Variants in TDRP observed in about 807,000 individuals in gnomAD.
TDRP encodes testis development-related protein.
A neutral mutation model predicts 10.5 loss-of-function variants in TDRP; 12 were observed. That is an observed-to-expected ratio of 1.15 (90% confidence interval 0.73 to 1.86). The LOEUF is 1.86. Ranked by LOEUF, TDRP falls within the 40% of genes most tolerant of loss-of-function variation. The pLI is 0.00. For synonymous variants in TDRP, 139 were observed against 95.4 expected (o/e 1.46, Z -2.67); for missense variants, 353 against 229.2 (o/e 1.54, Z -3.49).
At chr8:529,303 T>C (rs1802119905) in intron 1 of TDRP, among the ~76,000 whole-genome samples, 1 of 152,178 alleles carries the variant, frequency 6.6e-6, no homozygotes, top group African/African-American at 2.4e-5. Context: ...AAATTAAAAA[T>C]TAAAAAACCA....
intron 1 of TDRP, among the ~76,000 whole-genome samples, chr8:538,287 C>A (rs909034913): frequency 6.6e-6 from 1 of 152,202 alleles, no homozygotes; most frequent in African/African-American, 2.4e-5. Context: ...GGAACTCAAT[C>A]AGACATCAAG....
intron 1 of TDRP, among the ~76,000 whole-genome samples, chr8:495,896 G>C (rs931206025): frequency 6.6e-6 from 1 of 152,204 alleles, no homozygotes; most frequent in Admixed American, 6.5e-5. Context: ...CAGGGACTAA[G>C]GGGTCCCACT....
intron 1 of TDRP, among the ~76,000 whole-genome samples, chr8:542,027 G>A (rs1802508233): frequency 6.6e-6 from 1 of 152,148 alleles, no homozygotes; most frequent in Admixed American, 6.5e-5. Flanking sequence ...ATGCCCTCCA[G>A]AGGGTGAAGG....
Position 492,433 on chromosome 8 carries a change from C to T in TDRP, c.524G>A (p.Gly175Asp), listed in dbSNP as rs1271295352. ...CTCCTCCGGGCTATCTGTCAGGTGG[C>T]CTTTACTCTGCCGTCGGATGCTCAC... Reference protein sequence around the residue: ...RLVSIRRQSKGHLTDSPEEAE With the variant: ...RLVSIRRQSKDHLTDSPEEAE The change falls in exon 3 of 3, where the codon GGC (glycine) becomes GAC (aspartate). Residue 175 changes from glycine (G) to aspartate (D), a missense_variant. By Grantham distance (94) the Gly-to-Asp change is moderately conservative. Transcript: ENST00000324079. 1 of 1,582,118 alleles carries T rather than the reference C, an allele frequency of 6.3e-7. No individual in the cohort carries two copies. Among genetic ancestry groups the T allele is most frequent in the Non-Finnish European group, 8.6e-7 (1 of 1,160,442 alleles).
intron 1 of TDRP, among the ~76,000 whole-genome samples, chr8:534,228 T>C (rs545169098): frequency 6.6e-6 from 1 of 152,326 alleles, no homozygotes; most frequent in African/African-American, 2.4e-5. Context: ...TCTAAGATCA[T>C]CGAATATAAA....
At chr8:524,157 G>C (rs1801976952) in intron 1 of TDRP, among the ~76,000 whole-genome samples, 1 of 152,184 alleles carries the variant, frequency 6.6e-6, no homozygotes, top group African/African-American at 2.4e-5. Context: ...TTTCTGCCTG[G>C]TAATCCTGGG....
chr8:540,558 C>A (rs539791992), intron 1 of TDRP, among the ~76,000 whole-genome samples: 3 of 152,054 alleles, frequency 2.0e-5, no homozygotes, highest in Admixed American at 6.6e-5. Flanking sequence ...TGAAAACTTG[C>A]GTCTTTCTGT....
chr8:519,734 G>A (rs1241551296), intron 1 of TDRP, among the ~76,000 whole-genome samples: 1 of 152,156 alleles, frequency 6.6e-6, no homozygotes, highest in Non-Finnish European at 1.5e-5. Flanking sequence ...TCAATTTGTG[G>A]AGGGAACGTA....
intron 1 of TDRP, among the ~76,000 whole-genome samples, chr8:532,460 T>C (rs1802230035): frequency 6.6e-6 from 1 of 152,248 alleles, no homozygotes; most frequent in African/African-American, 2.4e-5. Context: ...TTCTATACTC[T>C]GCTAGGGTGA....
intron 1 of TDRP, among the ~76,000 whole-genome samples, chr8:504,864 G>A (rs35680705): frequency 6.6e-6 from 1 of 151,998 alleles, no homozygotes; most frequent in African/African-American, 2.4e-5. Context: ...TTCATTCTAA[G>A]CCCATGAGAG....
chr8:497,912 G>A (rs1438977546), intron 1 of TDRP, among the ~76,000 whole-genome samples: 1 of 152,228 alleles, frequency 6.6e-6, no homozygotes, highest in African/African-American at 2.4e-5. Context: ...AGGGTGCAAA[G>A]CCCAAGCCTT....
rs79210064 is a variant in TDRP at position 519,475 on chromosome 8, A to G, written c.109-24878T>C. ...TCTACCATCTTAACTACCTTCAAGT[A>G]TAGAGTTCAATTGCGTTAACTACAT... On this transcript the variant is annotated intron_variant, in intron 1 of 2. Transcript: ENST00000324079. Among the ~76,000 whole-genome samples, 8 of 152,276 alleles carry G rather than the reference A, an allele frequency of 5.3e-5. No homozygotes were observed. The South Asian group carries it at 8.3e-4, about 16-fold the overall frequency.
chr8:520,717 T>G (rs1229947139), intron 1 of TDRP, among the ~76,000 whole-genome samples: 1 of 152,234 alleles, frequency 6.6e-6, no homozygotes. Flanking sequence ...TCTTTTCATA[T>G]GCTTATAGGT....
At chr8:494,247 C>T (rs1801067727) in intron 2 of TDRP, among the ~76,000 whole-genome samples, 1 of 152,088 alleles carries the variant, frequency 6.6e-6, no homozygotes, top group African/African-American at 2.4e-5. Context: ...AGGCATGAGC[C>T]ACCATGCCCA....
At chr8:528,793 A>G (rs1325347165) in intron 1 of TDRP, among the ~76,000 whole-genome samples, 2 of 152,098 alleles carry the variant, frequency 1.3e-5, no homozygotes, top group African/African-American at 2.4e-5. Flanking sequence ...ACATATATTT[A>G]TTTATATATA....
At chr8:531,956 G>A (rs1329044383) in intron 1 of TDRP, among the ~76,000 whole-genome samples, 11 of 152,190 alleles carry the variant, frequency 7.2e-5, no homozygotes, top group Admixed American at 2.6e-4. Flanking sequence ...CGGTGGTTGC[G>A]TAATAAAATC....
Position 491,630 on chromosome 8 carries a change from G to T in TDRP, c.*769C>A. On this transcript the variant is annotated 3_prime_UTR_variant, in exon 3 of 3. Coordinates refer to ENST00000324079, the MANE Select transcript of TDRP (RefSeq NM_001384899.1). ...ATGAGCAAGACAATGTTTCCTAAATGAAATTATCAACTGACTAAAATTGAT... is the reference window on the plus strand; with the variant it reads ...ATGAGCAAGACAATGTTTCCTAAATTAAATTATCAACTGACTAAAATTGAT... 2 of 1,531,330 alleles carry T rather than the reference G, an allele frequency of 1.3e-6. No homozygotes were observed. Among genetic ancestry groups the T allele is most frequent in the African/African-American group, 2.7e-5 (2 of 72,972 alleles). 94.9% of individuals were successfully genotyped at this position (1,531,330 alleles called of 1,614,324 possible). A position where few individuals can be genotyped will look rare whatever the true frequency, so the allele number is the denominator to read the frequency against.
intron 1 of TDRP, among the ~76,000 whole-genome samples, chr8:537,969 T>C (rs537781721): frequency 6.6e-6 from 1 of 152,376 alleles, no homozygotes; most frequent in African/African-American, 2.4e-5. Context: ...TTATTTTATT[T>C]CTCTTCCTAT....
chr8:542,891 G>C (rs973696019), intron 1 of TDRP, among the ~76,000 whole-genome samples: 1 of 149,388 alleles, frequency 6.7e-6, no homozygotes, highest in African/African-American at 2.5e-5. Context: ...GATGACAATT[G>C]TGTAAAGGGA....
Sources: gnomAD v4.1 joint callset for allele counts (sites outside exome capture counted in the v4.1 genomes callset) on GRCh38, gnomAD v4.1.1 for gene constraint, MANE v1.5 for transcripts, NCBI Gene and HGNC (gene_info 2026-07-23, HGNC 2026-07-21) for gene names.